SLC18A2: variants seen among roughly 807,000 people sequenced by gnomAD.
SLC18A2 encodes the protein synaptic vesicular amine transporter.
SLC18A2 carries 33 observed loss-of-function variants against 59.2 expected under a neutral mutation model. The observed-to-expected ratio is 0.56, with a 90% CI of 0.42 to 0.75. The LOEUF is 0.75. Among genes scored for constraint, SLC18A2 ranks in the 30% least tolerant of loss-of-function variants. The pLI is 0.00. For synonymous variants in SLC18A2, 228 were observed against 253.5 expected, an observed-to-expected ratio of 0.90 and a Z score of 0.95; for missense variants, 569 against 668.6, an observed-to-expected ratio of 0.85 and a Z score of 1.64.
intron 10 of SLC18A2, among the ~76,000 whole-genome samples, chr10:117,264,952 A>G (rs535818249): frequency 7.9e-5 from 12 of 152,264 alleles, no homozygotes; most frequent in Admixed American, 5.9e-4. Flanking sequence ...GCCAGGTCAC[A>G]GTTTAAACGT....
intron 15 of SLC18A2, among the ~76,000 whole-genome samples, chr10:117,270,918 A>T (rs920598219): frequency 1.8e-4 from 27 of 152,266 alleles, no homozygotes; most frequent in African/African-American, 5.8e-4. Flanking sequence ...TGATTTTACG[A>T]TTTTTATGGA....
At position 117,277,524 on chromosome 10, in the gene SLC18A2, T is replaced by C; in HGVS notation, c.*258T>C. The C allele has an allele frequency of 4.6e-6, 1 of 215,426 alleles. No homozygotes were observed. The highest frequency in any genetic ancestry group is 1.6e-4 in the South Asian group (1 of 6,254). 13.3% of individuals were successfully genotyped at this position (215,426 alleles called of 1,614,324 possible). On this transcript the variant is annotated 3_prime_UTR_variant, in exon 16 of 16. Coordinates refer to ENST00000644641, the MANE Select transcript of SLC18A2 (RefSeq NM_003054.6). The stretch of plus-strand genomic sequence containing the variant: ...ATTTTATTAAATATCATACAATATA[T>C]TTTGATGAAATAGGTATTGTGTAAA...
At chr10:117,270,523 T>A (rs1020112997) in intron 15 of SLC18A2, 60 bp downstream of exon 15, 5 of 1,583,586 alleles carry the variant, frequency 3.2e-6, no homozygotes, top group Non-Finnish European at 4.3e-6. Flanking sequence ...GCCTTCCTGA[T>A]AGCTTCCTCA....
At chr10:117,260,382 G>C (rs1844281591) in intron 10 of SLC18A2, among the ~76,000 whole-genome samples, 1 of 152,192 alleles carries the variant, frequency 6.6e-6, no homozygotes, top group South Asian at 2.1e-4. Context: ...CCTCTTGCTG[G>C]CCTCACCATT....
intron 4 of SLC18A2, 91 bp from the exon 5 acceptor site, chr10:117,253,957 T>C: frequency 8.7e-7 from 1 of 1,145,048 alleles, no homozygotes; most frequent in Non-Finnish European, 1.3e-6. Flanking sequence ...AATGCTCCAC[T>C]GGGTTAAGGG....
In SLC18A2 at chr10:117,254,388, T is replaced by C. The variant is rs1844202046; in HGVS notation, c.608-17T>C. 6.4e-7 allele frequency: 1 copy of C among 1,556,790 alleles called. No homozygotes were observed. The highest frequency in any genetic ancestry group is 8.7e-7 in the Non-Finnish European group (1 of 1,149,278). On this transcript the variant is annotated splice_polypyrimidine_tract_variant and intron_variant, in intron 5 of 15. Transcript: ENST00000644641. ...TTCCCCGGAGCTGGCCTGTTGACTA[T>C]TTCTTTCCCTGTGTAGGGATGGGCA...
chr10:117,259,449 C>T (rs1381616288), intron 10 of SLC18A2, among the ~76,000 whole-genome samples: 1 of 152,166 alleles, frequency 6.6e-6, no homozygotes, highest in South Asian at 2.1e-4. Flanking sequence ...CTTCTGTTTC[C>T]TGTATTCCTT....
At chr10:117,258,829 C>T (rs974901773) in intron 10 of SLC18A2, among the ~76,000 whole-genome samples, 9 of 149,916 alleles carry the variant, frequency 6.0e-5, no homozygotes, top group Admixed American at 1.3e-4. Flanking sequence ...TGCGGTGGCA[C>T]GATCTCCACT....
chr10:117,266,886 C>T lies in SLC18A2; in HGVS notation c.1070+75C>T, dbSNP rs1290586234. 6 of 1,557,638 alleles carry T rather than the reference C, an allele frequency of 3.9e-6. No homozygotes were observed. In the South Asian group the frequency reaches 5.7e-5, roughly 15 times the overall value. Reference sequence around the variant, plus strand: ...TTCAAAAAATTCTAAGTTGTTTCTGCCTTTGCTGTTACAAGTAATTGTTTT... The same window carrying T: ...TTCAAAAAATTCTAAGTTGTTTCTGTCTTTGCTGTTACAAGTAATTGTTTT... On this transcript the variant is annotated intron_variant, in intron 11 of 15. Transcript: ENST00000644641.
At chr10:117,257,085 A>G (rs1589980942) in intron 9 of SLC18A2, among the ~76,000 whole-genome samples, 1 of 152,158 alleles carries the variant, frequency 6.6e-6, no homozygotes, top group East Asian at 1.9e-4. Context: ...TTTCTTCACC[A>G]TATGTGCACC....
intron 11 of SLC18A2, 80 bp from the exon 12 acceptor site, chr10:117,266,904 A>AT (rs1428641725): frequency 6.4e-7 from 1 of 1,560,544 alleles, no homozygotes. Flanking sequence ...GTTACAAGTA[A>AT]TTGTTTTGAT....
intron 3 of SLC18A2, among the ~76,000 whole-genome samples, chr10:117,247,112 A>C (rs1431273344): frequency 6.6e-6 from 1 of 152,232 alleles, no homozygotes; most frequent in Non-Finnish European, 1.5e-5. Context: ...ACAAATGTGC[A>C]TTCCATTTGC....
At chr10:117,270,522 A>T (rs763194045) in intron 15 of SLC18A2, 59 bp downstream of exon 15, 280 of 1,585,138 alleles carry the variant, frequency 1.8e-4, no homozygotes, top group Non-Finnish European at 2.3e-4. Context: ...GGCCTTCCTG[A>T]TAGCTTCCTC....
At chr10:117,272,830 C>T (rs918212589) in intron 15 of SLC18A2, among the ~76,000 whole-genome samples, 2 of 152,164 alleles carry the variant, frequency 1.3e-5, no homozygotes, top group Non-Finnish European at 2.9e-5. Flanking sequence ...GCTGCCTACT[C>T]ATTGTGCAAG....
chr10:117,247,821 A>G (rs973489213), intron 3 of SLC18A2, among the ~76,000 whole-genome samples: 3 of 152,006 alleles, frequency 2.0e-5, no homozygotes, highest in African/African-American at 7.3e-5. Flanking sequence ...TTCTTTTCCA[A>G]AGCTGCTTGT....
In SLC18A2 at chr10:117,254,453, ACG is replaced by A. The variant is rs1565003945; in HGVS notation, c.657_658del (p.Val220HisfsTer24). ...TACACAGATGATGAAGAGAGAGGCA[ACG>A]TCATGGGAATCGCCTTGGGAGGCCT... On this transcript the variant is annotated frameshift_variant, in exon 6 of 16. Coordinates refer to ENST00000644641, the MANE Select transcript of SLC18A2 (RefSeq NM_003054.6). LOFTEE classifies it high-confidence loss of function. 1 of 1,609,488 alleles carries A rather than the reference ACG, an allele frequency of 6.2e-7. No individual in the cohort carries two copies. Among genetic ancestry groups the A allele is most frequent in the Admixed American group, 1.7e-5 (1 of 59,548 alleles).
At chr10:117,275,776 A>G (rs973266369) in intron 15 of SLC18A2, among the ~76,000 whole-genome samples, 3 of 152,244 alleles carry the variant, frequency 2.0e-5, no homozygotes, top group African/African-American at 7.2e-5. Context: ...TTGAAAGCAG[A>G]GCAGCACGTT....
intron 1 of SLC18A2, 147 bp downstream of exon 1, chr10:117,241,367 A>C: frequency 4.3e-6 from 1 of 230,620 alleles, no homozygotes; most frequent in Non-Finnish European, 8.5e-6. Flanking sequence ...CGCAGGGCGC[A>C]AGGTGCACGG....
rs768865478 is a variant in SLC18A2, at chr10:117,277,150, GCT to G, written c.1441-7_1441-6del. On this transcript the variant is annotated splice_polypyrimidine_tract_variant and intron_variant, in intron 15 of 15. Transcript: ENST00000644641. ...CAAGAAGTTAATATACTTGCACTTT[GCT>G]CTCTTTTAGGCTATTCTCATGGATC... The G allele has an allele frequency of 2.3e-5, 33 of 1,421,560 alleles. No homozygotes were observed. Among genetic ancestry groups the G allele is most frequent in the South Asian group, 4.8e-5 (4 of 83,478 alleles). 88.1% of individuals were successfully genotyped at this position (1,421,560 alleles called of 1,614,324 possible).
Sources: allele counts gnomAD v4.1 joint callset (sites outside exome capture counted in the v4.1 genomes callset), GRCh38; gene constraint gnomAD v4.1.1; transcripts MANE v1.5; gene names NCBI Gene and HGNC (gene_info 2026-07-23, HGNC 2026-07-21).